The following SPOPL variants were observed in gnomAD, a reference collection of about 807,000 sequenced individuals.
SPOPL encodes the protein speckle type BTB/POZ protein like.
A neutral mutation model predicts 53.8 loss-of-function variants in SPOPL; 23 were observed. That is an observed-to-expected ratio of 0.43 (90% CI 0.31 to 0.61). The LOEUF (loss-of-function observed/expected upper bound fraction) is 0.61, where lower values mean the gene tolerates loss of function less well. Ranked by LOEUF, SPOPL falls within the 20% of genes least tolerant of loss-of-function variation. The pLI, the probability that SPOPL is intolerant of heterozygous loss-of-function variation, is 0.12. For synonymous variants in SPOPL, 164 were observed against 149.7 expected, an observed-to-expected ratio of 1.10 and a Z score of -0.70; for missense variants, 442 against 466.9, an observed-to-expected ratio of 0.95 and a Z score of 0.49.
chr2:138,555,796 C>T (rs900239197), intron 5 of SPOPL, among the ~76,000 whole-genome samples: 20 of 152,040 alleles, frequency 1.3e-4, no homozygotes, highest in African/African-American at 4.6e-4. Context: ...CTGAGTTGAG[C>T]CAAAAGCAAA....
At chr2:138,548,737 G>A (rs1487756246) in intron 1 of SPOPL, among the ~76,000 whole-genome samples, 1 of 151,884 alleles carries the variant, frequency 6.6e-6, no homozygotes, top group Non-Finnish European at 1.5e-5. Flanking sequence ...TACTGTTTTT[G>A]AAATTGGTCA....
chr2:138,535,524 CTT>C (rs1196839811), intron 1 of SPOPL, among the ~76,000 whole-genome samples: 8 of 114,680 alleles, frequency 7.0e-5, no homozygotes, highest in Admixed American at 1.7e-4. Context: ...TTCCCCACTC[CTT>C]TTTTTTTTTT....
intron 1 of SPOPL, among the ~76,000 whole-genome samples, chr2:138,503,271 T>C (rs1346255918): frequency 6.6e-6 from 1 of 152,220 alleles, no homozygotes; most frequent in African/African-American, 2.4e-5. Flanking sequence ...AGCTTTGGCT[T>C]TGGGGAAGTT....
At chr2:138,558,356 T>A (rs988408613) in intron 5 of SPOPL, among the ~76,000 whole-genome samples, 2 of 152,078 alleles carry the variant, frequency 1.3e-5, no homozygotes, top group Non-Finnish European at 2.9e-5. Flanking sequence ...AGTCTGCAAA[T>A]CGAACTAAAT....
rs374740824 is a variant in SPOPL, at chr2:138,559,061, A to G, written c.520A>G (p.Thr174Ala). Residue 174 changes from threonine (T) to alanine (A), a missense_variant, in exon 6 of 11, where the codon ACT becomes GCT. By Grantham distance (58) the Thr-to-Ala change is moderately conservative (BLOSUM62 0). Coordinates refer to ENST00000280098, the MANE Select transcript of SPOPL (RefSeq NM_001001664.3). ...AGATTCAGTAAACATATCAGGACAT[A>G]CTAATACAAATACTTTGAAGGTGCC... ...VQDSVNISGH[T>A]NTNTLKVPEC... 2.7e-5 allele frequency: 44 copies of G among 1,612,898 alleles called. 1 individual carries two copies. The Admixed American group carries it at 6.5e-4, about 24-fold the overall frequency.
At position 138,552,711 on chromosome 2, in the gene SPOPL, A is replaced by G. The variant is rs750664085; in HGVS notation, c.480+30A>G. The G allele has an allele frequency of 5.6e-6, 9 of 1,600,002 alleles. 1 individual carries two copies. In the East Asian group the frequency reaches 9.0e-5, roughly 16 times the overall value. The stretch of plus-strand genomic sequence containing the variant: ...GTACATCTTTTATTCTAAGAACCCC[A>G]TGGTTTATTTAGTGATATGGCAAAA... On this transcript the variant is annotated intron_variant, in intron 5 of 10. Coordinates refer to ENST00000280098, the MANE Select transcript of SPOPL (RefSeq NM_001001664.3).
intron 1 of SPOPL, among the ~76,000 whole-genome samples, chr2:138,520,675 A>G (rs1433333027): frequency 6.6e-6 from 1 of 152,298 alleles, no homozygotes; most frequent in East Asian, 1.9e-4. Context: ...AAATGGGTCA[A>G]TGAATAAGAG....
chr2:138,554,399 G>A (rs781274257), intron 5 of SPOPL: 1 of 1,155,324 alleles, frequency 8.7e-7, no homozygotes, highest in South Asian at 1.7e-5. Context: ...GCCCTCCACT[G>A]TTTGTTCCAC....
At chr2:138,566,967 A>G (rs989588417) in intron 10 of SPOPL, among the ~76,000 whole-genome samples, 7 of 152,216 alleles carry the variant, frequency 4.6e-5, no homozygotes, top group Non-Finnish European at 1.0e-4. Flanking sequence ...CATTGCAGAC[A>G]GAAGGGACAG....
At chr2:138,558,296 AAAT>A in intron 5 of SPOPL, among the ~76,000 whole-genome samples, 1 of 152,330 alleles carries the variant, frequency 6.6e-6, no homozygotes, top group Admixed American at 6.5e-5. Context: ...ATCTCCATAA[AAAT>A]AATACTGTAA....
At chr2:138,533,627 T>C (rs936050543) in intron 1 of SPOPL, among the ~76,000 whole-genome samples, 3 of 152,096 alleles carry the variant, frequency 2.0e-5, no homozygotes, top group East Asian at 1.9e-4. Flanking sequence ...TAAACACTTA[T>C]TAGAATCTTA....
At chr2:138,552,160 A>G (rs1685327163) in intron 4 of SPOPL, among the ~76,000 whole-genome samples, 1 of 152,028 alleles carries the variant, frequency 6.6e-6, no homozygotes, top group African/African-American at 2.4e-5. Context: ...AGGAAATAAG[A>G]TGTATGTTTC....
chr2:138,523,867 A>C (rs1684611673), intron 1 of SPOPL, among the ~76,000 whole-genome samples: 1 of 151,970 alleles, frequency 6.6e-6, no homozygotes, highest in African/African-American at 2.4e-5. Flanking sequence ...GCTGTTGTTG[A>C]GTGTCTGCGG....
chr2:138,572,460 A>G lies in SPOPL; in HGVS notation c.*3380A>G, dbSNP rs1685807597. ...TCTTTATAAAATGTGGGTCATAGATATGACCCAGTGTTACTAAAATAGAAC... is the reference window on the plus strand; with the variant it reads ...TCTTTATAAAATGTGGGTCATAGATGTGACCCAGTGTTACTAAAATAGAAC... On this transcript the variant is annotated 3_prime_UTR_variant, in exon 11 of 11. Transcript: ENST00000280098. The G allele has an allele frequency of 6.6e-6, 1 of 152,288 alleles. No homozygotes were observed. The highest frequency in any genetic ancestry group is 1.5e-5 in the Non-Finnish European group (1 of 67,996). 9.4% of individuals were successfully genotyped at this position (152,288 alleles called of 1,614,324 possible).
intron 1 of SPOPL, among the ~76,000 whole-genome samples, chr2:138,531,613 T>C (rs536095399): frequency 1.5e-3 from 223 of 152,310 alleles, no homozygotes; most frequent in African/African-American, 5.1e-3. Flanking sequence ...TATATTTTTT[T>C]CTCTGGTTTA....
chr2:138,540,354 G>A lies in SPOPL; in HGVS notation c.-60-9803G>A, dbSNP rs553876385. ...CCTTTGGCAGTATGGCCATTTTCAC[G>A]ATACTGATTCTTCCTACCCATGAGC... On this transcript the variant is annotated intron_variant, in intron 1 of 10. Coordinates refer to ENST00000280098, the MANE Select transcript of SPOPL (RefSeq NM_001001664.3). Among the ~76,000 whole-genome samples, 259 of 152,202 alleles carry A rather than the reference G, an allele frequency of 1.7e-3. 1 individual carries two copies. The highest frequency in any genetic ancestry group is 5.6e-3 in the African/African-American group (233 of 41,526).
chr2:138,510,175 T>C (rs1254086291), intron 1 of SPOPL, among the ~76,000 whole-genome samples: 1 of 152,220 alleles, frequency 6.6e-6, no homozygotes, highest in African/African-American at 2.4e-5. Context: ...GTAAAGCTGC[T>C]ATGAACAACC....
In SPOPL at chr2:138,572,464, C is replaced by G. The variant is rs943676766; in HGVS notation, c.*3384C>G. 1 of 152,084 alleles carries G rather than the reference C, an allele frequency of 6.6e-6. No individual in the cohort carries two copies. The highest frequency in any genetic ancestry group is 2.4e-5 in the African/African-American group (1 of 41,358). The allele number at this position is 152,084 out of a possible 1,614,324, so 9.4% of individuals were successfully genotyped here. A position where few individuals can be genotyped will look rare whatever the true frequency, so the allele number is the denominator to read the frequency against. On this transcript the variant is annotated 3_prime_UTR_variant, in exon 11 of 11. Coordinates refer to ENST00000280098, the MANE Select transcript of SPOPL (RefSeq NM_001001664.3). ...TATAAAATGTGGGTCATAGATATGA[C>G]CCAGTGTTACTAAAATAGAACAGGG... is the stretch of plus-strand genomic sequence containing the variant.
chr2:138,511,016 C>T (rs1684312742), intron 1 of SPOPL, among the ~76,000 whole-genome samples: 2 of 152,176 alleles, frequency 1.3e-5, no homozygotes, highest in Admixed American at 6.5e-5. Flanking sequence ...GGCATGGGCA[C>T]ACACTAAGCA....
Sources: allele counts gnomAD v4.1 joint callset (sites outside exome capture counted in the v4.1 genomes callset), GRCh38; gene constraint gnomAD v4.1.1; transcripts MANE v1.5; gene names NCBI Gene and HGNC (gene_info 2026-07-23, HGNC 2026-07-21).